DNAJC10: variants seen among roughly 807,000 people sequenced by gnomAD.
DNAJC10 encodes endoplasmic reticulum disulfide reductase DNAJC10.
DNAJC10 carries 101 observed loss-of-function variants against 115.0 expected under a neutral mutation model. That is an observed-to-expected ratio of 0.88 (90% CI 0.75 to 1.04). The LOEUF (loss-of-function observed/expected upper bound fraction) is 1.04, where lower values mean the gene tolerates loss of function less well. DNAJC10 is among the 50% of genes least tolerant of loss of function. The probability of loss-of-function intolerance (pLI) is 0.00; values close to 1 mark genes in which losing one functional copy is unlikely to be tolerated. For missense variants in DNAJC10, 981 were observed against 928.8 expected (o/e 1.06, Z -0.73); for synonymous variants, 307 against 301.5 (o/e 1.02, Z -0.19).
At chr2:182,745,991 G>A (rs934926253) in intron 14 of DNAJC10, among the ~76,000 whole-genome samples, 1 of 151,832 alleles carries the variant, frequency 6.6e-6, no homozygotes, top group African/African-American at 2.4e-5. Context: ...TGCAGTGTTT[G>A]GTTTTTTGTC....
rs1174264885 is a variant in DNAJC10 at position 182,742,256 on chromosome 2, C to T, written c.1191+900C>T. Among the ~76,000 whole-genome samples, 4 of 152,192 alleles carry T rather than the reference C, an allele frequency of 2.6e-5. No individual in the cohort carries two copies. The East Asian group carries it at 5.8e-4, about 22-fold the overall frequency. ...CTGGAGTTCAGTGGCGTGCTCTTGA[C>T]TCACTGCAACCTCAGCCTCATGGGT... On this transcript the variant is annotated intron_variant, in intron 13 of 23. Transcript: ENST00000264065.
At chr2:182,741,494 G>T in intron 13 of DNAJC10, 138 bp downstream of exon 13, 1 of 457,558 alleles carries the variant, frequency 2.2e-6, no homozygotes, top group South Asian at 4.5e-5. Flanking sequence ...GTCTTGGTTT[G>T]TGCTTGCTTT....
At chr2:182,736,522 C>T (rs1362539455) in intron 11 of DNAJC10, 136 bp downstream of exon 11, 29 of 497,730 alleles carry the variant, frequency 5.8e-5, no homozygotes, top group Non-Finnish European at 8.5e-5. Context: ...ATTTAGAACA[C>T]ATACTTAATT....
At chr2:182,758,942 C>T (rs775890392) in intron 20 of DNAJC10, 52 bp downstream of exon 20, 3 of 1,355,064 alleles carry the variant, frequency 2.2e-6, no homozygotes, top group African/African-American at 2.9e-5. Context: ...AAGCCATTTA[C>T]CCCCCTTTTA....
chr2:182,731,209 C>T (rs1693438741), intron 9 of DNAJC10, 102 bp downstream of exon 9: 3 of 737,040 alleles, frequency 4.1e-6, no homozygotes, highest in Non-Finnish European at 6.6e-6. Context: ...GTACTAGAAA[C>T]TACAATTTAT....
In DNAJC10 at chr2:182,736,088, TATA is replaced by T. The variant is rs536979316; in HGVS notation, c.850-157_850-155del. Among the ~76,000 whole-genome samples the T allele has an allele frequency of 7.3e-3, 1,098 of 149,938 alleles. 5 individuals are homozygous for T. The highest frequency in any genetic ancestry group is 0.032 in the South Asian group (152 of 4,722). Reference sequence around the variant, plus strand: ...ATATTTCTAAATTTATTAAGTAATTTATAATATTAGAAATCTACTTTTTAACTT... The same window carrying T: ...ATATTTCTAAATTTATTAAGTAATTTATATTAGAAATCTACTTTTTAACTT... On this transcript the variant is annotated intron_variant, in intron 10 of 23. Transcript: ENST00000264065.
intron 11 of DNAJC10, chr2:182,739,710 G>A (rs1470300951): frequency 4.9e-6 from 5 of 1,013,154 alleles, no homozygotes; most frequent in Non-Finnish European, 5.9e-6. Context: ...GATAAGATCT[G>A]TATCATTGTA....
chr2:182,785,064 A>G lies in DNAJC10; in HGVS notation c.*7932A>G, dbSNP rs1428210606. 3 of 152,208 alleles carry G rather than the reference A, an allele frequency of 2.0e-5. No individual in the cohort carries two copies. Among genetic ancestry groups the G allele is most frequent in the African/African-American group, 7.2e-5 (3 of 41,462 alleles). The allele number at this position is 152,208 out of a possible 1,614,324, so 9.4% of individuals were successfully genotyped here. ...TGCAGAAAAGTTAAAAGTATTTCGCATCCAAAAGTTTGTAATCTAGTGTAA... is the reference window on the plus strand; with the variant it reads ...TGCAGAAAAGTTAAAAGTATTTCGCGTCCAAAAGTTTGTAATCTAGTGTAA... On this transcript the variant is annotated 3_prime_UTR_variant, in exon 24 of 24. Transcript: ENST00000264065.
At chr2:182,764,254 T>C (rs1019814358) in intron 22 of DNAJC10, among the ~76,000 whole-genome samples, 3 of 152,144 alleles carry the variant, frequency 2.0e-5, no homozygotes, top group African/African-American at 7.2e-5. Flanking sequence ...CAAAATAGTT[T>C]TATCAATATT....
intron 20 of DNAJC10, 67 bp downstream of exon 20, chr2:182,758,957 A>C: frequency 7.9e-7 from 1 of 1,266,810 alleles, no homozygotes; most frequent in Non-Finnish European, 1.1e-6. Flanking sequence ...CTTTTATATC[A>C]ATAGTTAAAT....
In DNAJC10 at chr2:182,743,650, T is replaced by A; in HGVS notation, c.1244T>A (p.Val415Asp). Residue 415 changes from valine to aspartate, a missense_variant, in exon 14 of 24, where the codon GTT (valine) becomes GAT (aspartate). Coordinates refer to ENST00000264065, the MANE Select transcript of DNAJC10 (RefSeq NM_018981.4). ...SAPDICSNLYVFQPSLAVFKG... is the reference protein window; with the variant it reads ...SAPDICSNLYDFQPSLAVFKG... ...CCAGACATCTGTAGTAATCTGTATGTTTTTCAGCCGTCTCTAGCAGTATTT... is the reference window on the plus strand; with the variant it reads ...CCAGACATCTGTAGTAATCTGTATGATTTTCAGCCGTCTCTAGCAGTATTT... The A allele has an allele frequency of 2.5e-6, 4 of 1,613,754 alleles. No individual in the cohort carries two copies. Among genetic ancestry groups the A allele is most frequent in the Non-Finnish European group, 3.4e-6 (4 of 1,179,834 alleles).
Position 182,775,244 on chromosome 2 carries a change from A to C in DNAJC10, c.2266-72A>C, listed in dbSNP as rs1046992725. 2.4e-5 allele frequency: 23 copies of C among 959,010 alleles called. No homozygotes were observed. In the African/African-American group the frequency reaches 3.7e-4, roughly 15 times the overall value. The allele number at this position is 959,010 out of a possible 1,614,324, so 59.4% of individuals were successfully genotyped here. A position where few individuals can be genotyped will look rare whatever the true frequency, so the allele number is the denominator to read the frequency against. ...ACAAAAGAACTTGAAAGCATATTTA[A>C]TCAAGTTTCTTAGGTGGAAATGTTA... On this transcript the variant is annotated intron_variant, in intron 22 of 23. Transcript: ENST00000264065.
At position 182,759,204 on chromosome 2, in the gene DNAJC10, GT is replaced by G; in HGVS notation, c.2043del (p.Ser681ArgfsTer12). The G allele has an allele frequency of 1.2e-6, 2 of 1,608,004 alleles. No homozygotes were observed. Among genetic ancestry groups the G allele is most frequent in the Non-Finnish European group, 1.7e-6 (2 of 1,178,566 alleles). On this transcript the variant is annotated frameshift_variant, in exon 21 of 24. Coordinates refer to ENST00000264065, the MANE Select transcript of DNAJC10 (RefSeq NM_018981.4). LOFTEE classifies it high-confidence loss of function. ...VSTDLTPQTF[S>X]EKVLQGKNHW... ...ACAGATCTAACACCTCAGACTTTCAGTGAAAAAGTTCTACAAGGGAAAAATC... is the reference window on the plus strand; with the variant it reads ...ACAGATCTAACACCTCAGACTTTCAGGAAAAAGTTCTACAAGGGAAAAATC...
intron 2 of DNAJC10, among the ~76,000 whole-genome samples, chr2:182,717,458 A>G (rs1340225924): frequency 2.0e-5 from 3 of 152,174 alleles, no homozygotes; most frequent in Non-Finnish European, 2.9e-5. Flanking sequence ...TTTCACTGTC[A>G]TTTCTGGTAG....
At chr2:182,732,590 C>T (rs760061179) in intron 10 of DNAJC10, 48 bp downstream of exon 10, 11 of 1,556,710 alleles carry the variant, frequency 7.1e-6, no homozygotes, top group South Asian at 4.5e-5. Flanking sequence ...TAAAGAAACA[C>T]ATTTAGAAAT....
rs929215440 is a variant in DNAJC10 at position 182,792,750 on chromosome 2, T to C, written c.*15618T>C. ...TTGGCCTTCCTGAATAGAAATCATT[T>C]ATGAGGAAGTTACATGAGCTCAACA... is the stretch of plus-strand genomic sequence containing the variant. On this transcript the variant is annotated 3_prime_UTR_variant, in exon 24 of 24. Coordinates refer to ENST00000264065, the MANE Select transcript of DNAJC10 (RefSeq NM_018981.4). 2.0e-5 allele frequency: 3 copies of C among 152,212 alleles called. No individual in the cohort carries two copies. Among genetic ancestry groups the C allele is most frequent in the African/African-American group, 7.2e-5 (3 of 41,458 alleles). The allele number at this position is 152,212 out of a possible 1,614,324, so 9.4% of individuals were successfully genotyped here. A position where few individuals can be genotyped will look rare whatever the true frequency, so the allele number is the denominator to read the frequency against.
chr2:182,735,751 G>A (rs1367338068), intron 10 of DNAJC10, among the ~76,000 whole-genome samples: 1 of 152,020 alleles, frequency 6.6e-6, no homozygotes, highest in Non-Finnish European at 1.5e-5. Flanking sequence ...CAGGATTTTT[G>A]GAGCTCACTA....
In DNAJC10 at chr2:182,788,599, C is replaced by T. The variant is rs1329765961; in HGVS notation, c.*11467C>T. 1 of 244,552 alleles carries T rather than the reference C, an allele frequency of 4.1e-6. No homozygotes were observed. Among genetic ancestry groups the T allele is most frequent in the African/African-American group, 2.3e-5 (1 of 43,394 alleles). 15.1% of individuals were successfully genotyped at this position (244,552 alleles called of 1,614,324 possible). A position where few individuals can be genotyped will look rare whatever the true frequency, so the allele number is the denominator to read the frequency against. On this transcript the variant is annotated 3_prime_UTR_variant, in exon 24 of 24. Coordinates refer to ENST00000264065, the MANE Select transcript of DNAJC10 (RefSeq NM_018981.4). ...CTTATCTCAAAAGGAAAAATGTTAG[C>T]AATTGGTTGTAGCAATACGTCCGTC...
rs757214062 is a variant in DNAJC10 at position 182,718,049 on chromosome 2, T to G, written c.-38T>G. On this transcript the variant is annotated 5_prime_UTR_variant, in exon 3 of 24. Transcript: ENST00000264065. Reference sequence around the variant, plus strand: ...ATCAACTGGAACCAGCAGTGAATCTTAATGTTCACTTAAATCAGAACTTGC... The same window carrying G: ...ATCAACTGGAACCAGCAGTGAATCTGAATGTTCACTTAAATCAGAACTTGC... 6.0e-6 allele frequency: 9 copies of G among 1,498,648 alleles called. No individual in the cohort carries two copies. The highest frequency in any genetic ancestry group is 2.3e-5 in the East Asian group (1 of 43,484). The allele number at this position is 1,498,648 out of a possible 1,614,324, so 92.8% of individuals were successfully genotyped here. A position where few individuals can be genotyped will look rare whatever the true frequency, so the allele number is the denominator to read the frequency against.
Sources: allele counts gnomAD v4.1 joint callset (sites outside exome capture counted in the v4.1 genomes callset), GRCh38; gene constraint gnomAD v4.1.1; transcripts MANE v1.5; gene names NCBI Gene and HGNC (gene_info 2026-07-23, HGNC 2026-07-21).